Variants in OC90 observed in about 807,000 individuals in gnomAD.
OC90 encodes the protein otoconin-90.
OC90 carries 46 observed loss-of-function variants against 47.3 expected under a neutral mutation model. That is an observed-to-expected ratio of 0.97 (90% CI 0.77 to 1.24). OC90 has a LOEUF of 1.24. Among genes scored for constraint, OC90 ranks in the 50% most tolerant of loss-of-function variants. The pLI, the probability that OC90 is intolerant of heterozygous loss-of-function variation, is 0.00. For synonymous variants in OC90, 271 were observed against 219.5 expected (o/e 1.23, Z -2.07); for missense variants, 688 against 583.9 (o/e 1.18, Z -1.84).
chr8:132,039,984 T>C (rs1159546362), intron 6 of OC90, among the ~76,000 whole-genome samples: 1 of 152,250 alleles, frequency 6.6e-6, no homozygotes, highest in East Asian at 1.9e-4. Context: ...ATAGCTTCAG[T>C]GTCTGACAAT....
Position 132,031,974 on chromosome 8 carries a change from A to C in OC90, c.938T>G (p.Phe313Cys). 1.2e-6 allele frequency: 2 copies of C among 1,614,004 alleles called. No individual in the cohort carries two copies. Among genetic ancestry groups the C allele is most frequent in the East Asian group, 4.5e-5 (2 of 44,876 alleles). ...CTCCGGGCACCGGGATGTCAGACAA[A>C]AGAGCATCTCTCCAAGCTGTGGCAT... ...QVMPQLGEMLFCLTSRCPEEF... is the reference protein window; with the variant it reads ...QVMPQLGEMLCCLTSRCPEEF... The change falls in exon 12 of 14, where the codon TTT becomes TGT. Residue 313 changes from phenylalanine (F) to cysteine (C), a missense_variant. Phe to Cys is a radical substitution (Grantham distance 205). Coordinates refer to ENST00000254627, the MANE Select transcript of OC90 (RefSeq NM_001080399.3).
chr8:132,024,442 G>A lies in OC90; in HGVS notation c.*39C>T. On this transcript the variant is annotated 3_prime_UTR_variant, in exon 14 of 14. Transcript: ENST00000254627. ...ATAAAGAGCTGAAGGTGGAGCAGGA[G>A]CCACGCTACTGAAGGTGTTAGCCAT... The A allele has an allele frequency of 6.9e-7, 1 of 1,457,398 alleles. No homozygotes were observed. Among genetic ancestry groups the A allele is most frequent in the Non-Finnish European group, 9.3e-7 (1 of 1,080,496 alleles). The allele number at this position is 1,457,398 out of a possible 1,614,324, so 90.3% of individuals were successfully genotyped here.
Position 132,054,984 on chromosome 8 carries a change from C to T in OC90, c.43G>A (p.Ala15Thr), listed in dbSNP as rs1823262531. ...GGTGTAAGATATCATTACTCACCGG[C>T]ATGGGGGATCATCAGCACACTGGTG... ...LLTSVLMIPH[A>T]GGHPLDTPHL... The change falls in exon 2 of 14, where the codon GCC becomes ACC. Residue 15 changes from alanine (A) to threonine (T), a missense_variant. Transcript: ENST00000254627. 1.3e-6 allele frequency: 2 copies of T among 1,548,716 alleles called. No homozygotes were observed. Among genetic ancestry groups the T allele is most frequent in the Admixed American group, 4.0e-5 (2 of 50,242 alleles).
At chr8:132,058,177 C>A (rs1823300247) in intron 1 of OC90, among the ~76,000 whole-genome samples, 1 of 152,168 alleles carries the variant, frequency 6.6e-6, no homozygotes, top group African/African-American at 2.4e-5. Flanking sequence ...CAGCCCTGGG[C>A]AACAGTGAGG....
chr8:132,028,554 GAAA>G (rs1296461148), intron 13 of OC90, among the ~76,000 whole-genome samples: 52 of 18,074 alleles, frequency 2.9e-3, no homozygotes, highest in African/African-American at 7.4e-3. Context: ...AAGAAAGAAA[GAAA>G]GAAAGAAAGG....
At position 132,039,239 on chromosome 8, in the gene OC90, C is replaced by A. The variant is rs1823016883; in HGVS notation, c.458-116G>T. 14 of 1,068,712 alleles carry A rather than the reference C, an allele frequency of 1.3e-5. No homozygotes were observed. In the South Asian group the frequency reaches 2.0e-4, roughly 15 times the overall value. The allele number at this position is 1,068,712 out of a possible 1,614,324, so 66.2% of individuals were successfully genotyped here. On this transcript the variant is annotated intron_variant, in intron 6 of 13. Transcript: ENST00000254627. ...CCTGCCAAAAATCCCACTCCCCTTG[C>A]AATCTCCATCTCATTCATGTCAGCT...
chr8:132,042,688 T>C (rs546343904), intron 4 of OC90, among the ~76,000 whole-genome samples: 7 of 152,276 alleles, frequency 4.6e-5, no homozygotes, highest in African/African-American at 1.7e-4. Flanking sequence ...ACTCCCTCCA[T>C]GCTAAATGCA....
intron 6 of OC90, 110 bp downstream of exon 6, chr8:132,040,934 G>T: frequency 1.4e-6 from 1 of 720,786 alleles, no homozygotes; most frequent in Middle Eastern, 2.9e-4. Flanking sequence ...GATGCTGCCA[G>T]TGGTGACGAT....
chr8:132,028,330 C>T (rs914537152), intron 13 of OC90, among the ~76,000 whole-genome samples: 4 of 151,710 alleles, frequency 2.6e-5, no homozygotes, highest in Non-Finnish European at 5.9e-5. Context: ...GGTGAAACCC[C>T]GTCTCTACTA....
chr8:132,033,340 C>A (rs972622422), intron 10 of OC90, among the ~76,000 whole-genome samples, 176 bp from the exon 11 acceptor site: 1 of 152,152 alleles, frequency 6.6e-6, no homozygotes, highest in African/African-American at 2.4e-5. Context: ...ATGAGAATTT[C>A]CATATTTTCT....
At chr8:132,035,987 T>C (rs1210018392) in intron 9 of OC90, among the ~76,000 whole-genome samples, 3 of 152,220 alleles carry the variant, frequency 2.0e-5, no homozygotes, top group Admixed American at 1.3e-4. Context: ...ATAATTATCA[T>C]TGATTTATGC....
intron 8 of OC90, among the ~76,000 whole-genome samples, 185 bp downstream of exon 8, chr8:132,038,605 T>G (rs1478900595): frequency 6.6e-6 from 1 of 152,172 alleles, no homozygotes; most frequent in Non-Finnish European, 1.5e-5. Context: ...CCATTTGATG[T>G]TGGGCATTTG....
rs1823046832 is a variant in OC90, at chr8:132,041,102, G to C, written c.399C>G (p.Leu133=). Residue 133 remains leucine (L), a synonymous_variant, in exon 6 of 14, where the codon CTC becomes CTG. Coordinates refer to ENST00000254627, the MANE Select transcript of OC90 (RefSeq NM_001080399.3). ...CYEEAAEMDC[L]QDPAKLSTEV... Reference sequence around the variant, plus strand: ...CTGTGCTAAGTTTGGCGGGGTCTTGGAGACAGTCCATCTCAGCGGCCTCCT... The same window carrying C: ...CTGTGCTAAGTTTGGCGGGGTCTTGCAGACAGTCCATCTCAGCGGCCTCCT... The C allele has an allele frequency of 6.2e-7, 1 of 1,613,804 alleles. No homozygotes were observed. Among genetic ancestry groups the C allele is most frequent in the Admixed American group, 1.7e-5 (1 of 60,014 alleles).
intron 13 of OC90, among the ~76,000 whole-genome samples, chr8:132,026,731 C>T (rs952618791): frequency 6.6e-6 from 1 of 152,172 alleles, no homozygotes; most frequent in Non-Finnish European, 1.5e-5. Flanking sequence ...AAGGCTTCAG[C>T]CCAGCAGGTG....
In OC90 at chr8:132,029,115, G is replaced by A; in HGVS notation, c.1096C>T (p.Leu366Phe). The A allele has an allele frequency of 6.2e-7, 1 of 1,613,916 alleles. No homozygotes were observed. Among genetic ancestry groups the A allele is most frequent in the Non-Finnish European group, 8.5e-7 (1 of 1,179,828 alleles). The change falls in exon 13 of 14, where the codon CTT (leucine) becomes TTT (phenylalanine). Residue 366 changes from leucine (L) to phenylalanine (F), a missense_variant. Transcript: ENST00000254627. Reference sequence around the variant, plus strand: ...ACACACACCACCGGTGACCAAGGAAGCCTCTCAAGCAGGCAGCCCAGCCTT... The same window carrying A: ...ACACACACCACCGGTGACCAAGGAAACCTCTCAAGCAGGCAGCCCAGCCTT... The part of the protein sequence containing the change: ...VRRLGCLLER[L>F]PWSPVVCVDH...
intron 13 of OC90, among the ~76,000 whole-genome samples, chr8:132,026,817 G>GA (rs1190983317): frequency 6.6e-6 from 1 of 151,970 alleles, no homozygotes; most frequent in Non-Finnish European, 1.5e-5. Flanking sequence ...TCCCCTATAG[G>GA]AAAAAATGGA....
At chr8:132,031,316 G>A (rs953430709) in intron 12 of OC90, among the ~76,000 whole-genome samples, 4 of 152,160 alleles carry the variant, frequency 2.6e-5, no homozygotes, top group Non-Finnish European at 5.9e-5. Context: ...AAGCTCAAGC[G>A]GTATGGGTTT....
At chr8:132,043,673 G>C (rs1823087508) in intron 4 of OC90, among the ~76,000 whole-genome samples, 1 of 152,168 alleles carries the variant, frequency 6.6e-6, no homozygotes, top group Non-Finnish European at 1.5e-5. Context: ...CCTTTCCCAT[G>C]TTTTGTACCC....
chr8:132,033,902 G>T (rs1418670901), intron 10 of OC90, among the ~76,000 whole-genome samples: 1 of 152,186 alleles, frequency 6.6e-6, no homozygotes. Context: ...GGAGTATTGG[G>T]TAAGGTCTGG....
Sources: allele counts gnomAD v4.1 joint callset (sites outside exome capture counted in the v4.1 genomes callset), GRCh38; gene constraint gnomAD v4.1.1; transcripts MANE v1.5; gene names NCBI Gene and HGNC (gene_info 2026-07-23, HGNC 2026-07-21).